NRG3: variants seen among roughly 807,000 people sequenced by gnomAD.
NRG3 encodes neuregulin 3.
A neutral mutation model predicts 66.9 loss-of-function variants in NRG3; 31 were observed. That is an observed-to-expected ratio of 0.46 (90% CI 0.35 to 0.63). The LOEUF is 0.63. Ranked by LOEUF, NRG3 falls within the 20% of genes least tolerant of loss-of-function variation. NRG3 has a pLI of 0.00. For synonymous variants in NRG3, 393 were observed against 359.4 expected (o/e 1.09, Z -1.06); for missense variants, 910 against 878.9 (o/e 1.04, Z -0.45).
chr10:82,724,073 A>G (rs1159463589), intron 2 of NRG3, among the ~76,000 whole-genome samples: 1 of 150,012 alleles, frequency 6.7e-6, no homozygotes, highest in Non-Finnish European at 1.5e-5. Flanking sequence ...AGAAAAAAAA[A>G]GAAAAAAAAA....
intron 2 of NRG3, among the ~76,000 whole-genome samples, chr10:82,410,374 T>C (rs2080853503): frequency 6.6e-6 from 1 of 151,270 alleles, no homozygotes; most frequent in African/African-American, 2.4e-5. Context: ...TGCCACGACA[T>C]AGTTGAACTC....
At chr10:82,004,236 C>T (rs189665617) in intron 1 of NRG3, among the ~76,000 whole-genome samples, 3 of 152,244 alleles carry the variant, frequency 2.0e-5, no homozygotes, top group Non-Finnish European at 2.9e-5. Context: ...TACATATCTA[C>T]ACACATATAC....
At chr10:82,789,825 T>A (rs1025289724) in intron 3 of NRG3, among the ~76,000 whole-genome samples, 11 of 152,038 alleles carry the variant, frequency 7.2e-5, no homozygotes, top group African/African-American at 2.7e-4. Flanking sequence ...TAATTCCCTT[T>A]TTTTTTTAAC....
intron 1 of NRG3, among the ~76,000 whole-genome samples, chr10:82,147,903 C>T (rs948707520): frequency 1.3e-5 from 2 of 152,232 alleles, no homozygotes; most frequent in Middle Eastern, 3.4e-3. Flanking sequence ...ATAGGCTTTA[C>T]CTATATTAAT....
At position 82,859,567 on chromosome 10, in the gene NRG3, C is replaced by T. The variant is rs748892864; in HGVS notation, c.1028-5844C>T. On this transcript the variant is annotated intron_variant, in intron 3 of 8. Coordinates refer to ENST00000372141, the MANE Select transcript of NRG3 (RefSeq NM_001010848.4). ...GGGAATGTCAGCAGCCCCTTTTTGT[C>T]AGCATATAAACAAGAGGTTTTGAAT... Among the ~76,000 whole-genome samples the T allele has an allele frequency of 4.9e-4, 74 of 152,212 alleles. 1 individual carries two copies. Among genetic ancestry groups the T allele is most frequent in the Admixed American group, 2.5e-3 (38 of 15,288 alleles).
intron 2 of NRG3, among the ~76,000 whole-genome samples, chr10:82,439,143 A>G (rs1391781924): frequency 6.6e-6 from 1 of 152,002 alleles, no homozygotes; most frequent in Admixed American, 6.6e-5. Flanking sequence ...AGTGTTTCTC[A>G]TCTTTTTCTC....
At chr10:82,586,379 C>T (rs1381387043) in intron 2 of NRG3, among the ~76,000 whole-genome samples, 1 of 152,016 alleles carries the variant, frequency 6.6e-6, no homozygotes, top group Non-Finnish European at 1.5e-5. Flanking sequence ...AACCGTATTC[C>T]CAAAATGGCC....
intron 2 of NRG3, among the ~76,000 whole-genome samples, chr10:82,402,370 A>G (rs1358694658): frequency 6.6e-6 from 1 of 152,152 alleles, no homozygotes; most frequent in Non-Finnish European, 1.5e-5. Flanking sequence ...GTGCCTAGTT[A>G]GTAATCAGAA....
At chr10:82,124,767 T>TA (rs1479317336) in intron 1 of NRG3, among the ~76,000 whole-genome samples, 1 of 150,686 alleles carries the variant, frequency 6.6e-6, no homozygotes, top group Non-Finnish European at 1.5e-5. Context: ...GGATGCCAAA[T>TA]ATATGTTTTC....
intron 2 of NRG3, among the ~76,000 whole-genome samples, chr10:82,726,638 C>T (rs1287621378): frequency 1.3e-5 from 2 of 152,144 alleles, no homozygotes; most frequent in Non-Finnish European, 2.9e-5. Context: ...TGCCCAGTCT[C>T]GGGTATGTCT....
At chr10:82,800,014 T>C (rs1253994224) in intron 3 of NRG3, among the ~76,000 whole-genome samples, 2 of 152,180 alleles carry the variant, frequency 1.3e-5, no homozygotes, top group Non-Finnish European at 2.9e-5. Flanking sequence ...ATGTTGGCCA[T>C]GTCTGGATAG....
At chr10:82,126,482 G>A (rs1396400950) in intron 1 of NRG3, among the ~76,000 whole-genome samples, 6 of 151,960 alleles carry the variant, frequency 3.9e-5, no homozygotes, top group Admixed American at 3.3e-4. Context: ...TAGATGTTTC[G>A]GTAGATCAGC....
chr10:81,987,239 C>T (rs1298315007), intron 1 of NRG3, among the ~76,000 whole-genome samples: 2 of 152,122 alleles, frequency 1.3e-5, no homozygotes, highest in African/African-American at 4.8e-5. Context: ...CGCACGCCAC[C>T]ACACCCGGAT....
In NRG3 at chr10:81,875,258, C is replaced by A. The variant is rs1841515297; in HGVS notation, c.-83C>A. On this transcript the variant is annotated 5_prime_UTR_variant, in exon 1 of 9. Coordinates refer to ENST00000372141, the MANE Select transcript of NRG3 (RefSeq NM_001010848.4). This position sits in a 1 kb window ranked among gnomAD's most constrained non-coding sequence, Gnocchi z 5.3. The stretch of plus-strand genomic sequence containing the variant: ...AGCCCGCCGCCGCCGCCGGAGCCCG[C>A]GCCCGCGCCCGCGCCCGGCCCGCGC... The A allele has an allele frequency of 4.4e-6, 4 of 900,430 alleles. No homozygotes were observed. Among genetic ancestry groups the A allele is most frequent in the Admixed American group, 1.3e-4 (2 of 15,606 alleles). 55.8% of individuals were successfully genotyped at this position (900,430 alleles called of 1,614,324 possible). A position where few individuals can be genotyped will look rare whatever the true frequency, so the allele number is the denominator to read the frequency against.
At chr10:81,935,695 C>T (rs1018218399) in intron 1 of NRG3, among the ~76,000 whole-genome samples, 4 of 152,162 alleles carry the variant, frequency 2.6e-5, no homozygotes, top group Non-Finnish European at 5.9e-5. Flanking sequence ...ATGGGCCACT[C>T]TCTCTGAGAC....
At chr10:82,808,326 A>G (rs1402029056) in intron 3 of NRG3, among the ~76,000 whole-genome samples, 1 of 152,190 alleles carries the variant, frequency 6.6e-6, no homozygotes, top group African/African-American at 2.4e-5. Flanking sequence ...TTAAATCTGA[A>G]TGATACATTG....
intron 1 of NRG3, among the ~76,000 whole-genome samples, chr10:82,113,534 CTG>C (rs2067515892): frequency 6.6e-6 from 1 of 152,118 alleles, no homozygotes; most frequent in Non-Finnish European, 1.5e-5. Context: ...TTATGAAAAA[CTG>C]AGAGACTGAG....
intron 2 of NRG3, among the ~76,000 whole-genome samples, chr10:82,442,784 ATTTTTTTTTTTTTTTTTT>A (rs61261285): frequency 3.7e-5 from 2 of 54,254 alleles, no homozygotes; most frequent in African/African-American, 1.8e-4. Context: ...TTCTGTGTGG[ATTTTTTTTTTTTTTTTTT>A]TTTTTTTTTT....
chr10:82,495,956 G>A (rs1487990975), intron 2 of NRG3, among the ~76,000 whole-genome samples: 3 of 152,042 alleles, frequency 2.0e-5, no homozygotes, highest in Admixed American at 1.3e-4. Context: ...GGCTCCAGAG[G>A]ACAATTAATA....
Sources: allele counts gnomAD v4.1 joint callset (sites outside exome capture counted in the v4.1 genomes callset), GRCh38; gene constraint gnomAD v4.1.1; non-coding constraint Gnocchi (gnomAD v3.1); transcripts MANE v1.5; gene names NCBI Gene and HGNC (gene_info 2026-07-23, HGNC 2026-07-21).